Variants in ROBO1 observed in about 807,000 individuals in gnomAD.
ROBO1 encodes the protein roundabout guidance receptor 1, also known as roundabout homolog 1.
In ROBO1, 149 loss-of-function variants were observed where a neutral mutation model predicts 195.9. The observed-to-expected ratio is 0.76, with a 90% CI of 0.67 to 0.87. The LOEUF is 0.87. Among genes scored for constraint, ROBO1 ranks in the 40% least tolerant of loss-of-function variants. ROBO1 has a pLI of 0.00. For synonymous variants in ROBO1, 816 were observed against 733.2 expected, an observed-to-expected ratio of 1.11 and a Z score of -1.82; for missense variants, 1,933 against 2,068.3, an observed-to-expected ratio of 0.93 and a Z score of 1.27.
intron 3 of ROBO1, among the ~76,000 whole-genome samples, chr3:79,057,740 C>A (rs1309212061): frequency 6.6e-6 from 1 of 151,996 alleles, no homozygotes; most frequent in Non-Finnish European, 1.5e-5. Context: ...GATTTACCTG[C>A]TCCACAAAAT....
At chr3:78,717,142 T>G in intron 7 of ROBO1, 133 bp downstream of exon 7, 1 of 876,652 alleles carries the variant, frequency 1.1e-6, no homozygotes, top group Middle Eastern at 3.3e-4. Flanking sequence ...TCTAATTATC[T>G]CCAGTATTGT....
chr3:79,462,305 A>T (rs932761992), intron 2 of ROBO1, among the ~76,000 whole-genome samples: 4 of 152,210 alleles, frequency 2.6e-5, no homozygotes, highest in Non-Finnish European at 4.4e-5. Context: ...CTATTTTGTC[A>T]TTAAACATAC....
rs1051886916 is a variant in ROBO1, at chr3:79,189,368, T to C, written c.89-63829A>G. 3.3e-5 allele frequency among the ~76,000 whole-genome samples: 5 copies of C among 151,690 alleles called. No homozygotes were observed. In the East Asian group the frequency reaches 7.7e-4, roughly 24 times the overall value. Reference sequence around the variant, plus strand: ...GGATGATAATTTTCTTTGAACTAAATAAATGTAAATATAAAAAAGGAGTAA... The same window carrying C: ...GGATGATAATTTTCTTTGAACTAAACAAATGTAAATATAAAAAAGGAGTAA... On this transcript the variant is annotated intron_variant, in intron 2 of 30. Coordinates refer to ENST00000464233, the MANE Select transcript of ROBO1 (RefSeq NM_002941.4).
At chr3:78,655,407 C>T (rs1163545029) in intron 18 of ROBO1, among the ~76,000 whole-genome samples, 1 of 152,096 alleles carries the variant, frequency 6.6e-6, no homozygotes, top group Non-Finnish European at 1.5e-5. Context: ...ACTGAACATT[C>T]CCATAGACGA....
At chr3:78,873,861 C>T (rs1348904203) in intron 4 of ROBO1, among the ~76,000 whole-genome samples, 2 of 152,020 alleles carry the variant, frequency 1.3e-5, no homozygotes, top group Admixed American at 6.6e-5. Context: ...TACAGCAATA[C>T]TATGACTAAT....
rs367936307 is a variant in ROBO1 at position 79,576,436 on chromosome 3, T to A, written c.88+13388A>T. 3.3e-5 allele frequency among the ~76,000 whole-genome samples: 5 copies of A among 152,176 alleles called. No homozygotes were observed. The East Asian group carries it at 5.8e-4, about 18-fold the overall frequency. ...AAAAGTAATAATACCTACTCTTTAT[T>A]CATTGCCTTCAATATACAGGACATT... On this transcript the variant is annotated intron_variant, in intron 2 of 30. Transcript: ENST00000464233.
At chr3:79,430,290 C>G (rs1228318615) in intron 2 of ROBO1, among the ~76,000 whole-genome samples, 1 of 151,684 alleles carries the variant, frequency 6.6e-6, no homozygotes, top group Non-Finnish European at 1.5e-5. Context: ...ATACTTTACT[C>G]TGCTTAATTC....
chr3:78,635,757 A>G lies in ROBO1; in HGVS notation c.3373+16T>C, dbSNP rs2107530666. On this transcript the variant is annotated intron_variant, in intron 23 of 30. Transcript: ENST00000464233. The stretch of plus-strand genomic sequence containing the variant: ...ATCATACAGAAACAGATGGGAATAC[A>G]TGCAAGCCTCTTCACCTTTGTTCAG... 6.2e-7 allele frequency: 1 copy of G among 1,609,276 alleles called. No individual in the cohort carries two copies. The highest frequency in any genetic ancestry group is 8.5e-7 in the Non-Finnish European group (1 of 1,176,240).
intron 4 of ROBO1, among the ~76,000 whole-genome samples, chr3:78,849,354 A>G (rs2033882520): frequency 6.6e-6 from 1 of 152,072 alleles, no homozygotes; most frequent in Admixed American, 6.6e-5. Context: ...GGTATTTTGG[A>G]CCCCAATTTA....
At chr3:79,429,399 G>A (rs1439764818) in intron 2 of ROBO1, among the ~76,000 whole-genome samples, 1 of 152,080 alleles carries the variant, frequency 6.6e-6, no homozygotes. Flanking sequence ...GGGTCCACAA[G>A]TCTTCAGTTT....
chr3:79,503,379 C>G (rs1006277233), intron 2 of ROBO1, among the ~76,000 whole-genome samples: 2 of 152,150 alleles, frequency 1.3e-5, no homozygotes, highest in Non-Finnish European at 2.9e-5. Flanking sequence ...AAGAACTGTG[C>G]TTTTAAGAAC....
At chr3:78,940,301 AG>A (rs1195766665) in intron 3 of ROBO1, among the ~76,000 whole-genome samples, 1 of 152,232 alleles carries the variant, frequency 6.6e-6, no homozygotes, top group Non-Finnish European at 1.5e-5. Flanking sequence ...ACCAGGATGT[AG>A]GAAAGCCTGT....
intron 2 of ROBO1, among the ~76,000 whole-genome samples, chr3:79,322,874 T>C (rs2034045405): frequency 1.3e-5 from 2 of 152,176 alleles, no homozygotes; most frequent in Admixed American, 1.3e-4. Context: ...CAAAATAAAA[T>C]GGACACAATT....
intron 2 of ROBO1, among the ~76,000 whole-genome samples, chr3:79,499,693 T>C (rs911177548): frequency 6.6e-6 from 1 of 152,204 alleles, no homozygotes; most frequent in Admixed American, 6.5e-5. Flanking sequence ...GTGAGTTTTG[T>C]CATTGGACAT....
intron 3 of ROBO1, among the ~76,000 whole-genome samples, chr3:79,039,223 A>T (rs1461712982): frequency 6.6e-6 from 1 of 152,224 alleles, no homozygotes; most frequent in Non-Finnish European, 1.5e-5. Context: ...TGCTCTACTT[A>T]GAGTTAGATT....
intron 2 of ROBO1, among the ~76,000 whole-genome samples, chr3:79,181,798 T>TCCCA (rs2081344190): frequency 2.0e-5 from 3 of 151,874 alleles, no homozygotes; most frequent in African/African-American, 7.3e-5. Flanking sequence ...ATACTGGTGG[T>TCCCA]GACAGTAGTC....
chr3:78,897,916 T>G (rs140306755), intron 4 of ROBO1, among the ~76,000 whole-genome samples: 2 of 151,986 alleles, frequency 1.3e-5, no homozygotes, highest in East Asian at 3.9e-4. Flanking sequence ...ACAACTTGCA[T>G]AGTGAAAGGT....
At chr3:78,732,327 C>T (rs1414699450) in intron 5 of ROBO1, among the ~76,000 whole-genome samples, 1 of 152,022 alleles carries the variant, frequency 6.6e-6, no homozygotes, top group Non-Finnish European at 1.5e-5. Flanking sequence ...TGAAGTTCCC[C>T]CTTCCAGCAC....
chr3:79,336,930 T>C (rs2034696554), intron 2 of ROBO1, among the ~76,000 whole-genome samples: 1 of 152,180 alleles, frequency 6.6e-6, no homozygotes, highest in Non-Finnish European at 1.5e-5. Context: ...TTTGTAACTT[T>C]TTATGTTTAG....
Sources: gnomAD v4.1 joint callset for allele counts (sites outside exome capture counted in the v4.1 genomes callset) on GRCh38, gnomAD v4.1.1 for gene constraint, MANE v1.5 for transcripts, NCBI Gene and HGNC (gene_info 2026-07-23, HGNC 2026-07-21) for gene names.